Variants in ANKH observed in about 807,000 individuals in gnomAD.
ANKH encodes the protein ANKH inorganic pyrophosphate transport regulator.
In ANKH, 15 loss-of-function variants were observed where a neutral mutation model predicts 49.0. The observed-to-expected ratio is 0.31, with a 90% CI of 0.20 to 0.47. The LOEUF (loss-of-function observed/expected upper bound fraction) is 0.47. ANKH is among the 20% of genes least tolerant of loss of function. The pLI is 1.00. For missense variants in ANKH, 429 were observed against 652.0 expected (o/e 0.66, Z 3.72); for synonymous variants, 273 against 260.0 (o/e 1.05, Z -0.48).
At chr5:14,772,203 AG>A (rs979834481) in intron 1 of ANKH, among the ~76,000 whole-genome samples, 2 of 152,200 alleles carry the variant, frequency 1.3e-5, no homozygotes, top group African/African-American at 4.8e-5. Flanking sequence ...GCAAAACCAG[AG>A]GGCTTCACGT....
intron 1 of ANKH, among the ~76,000 whole-genome samples, chr5:14,816,240 G>C (rs915116986): frequency 3.3e-5 from 5 of 152,204 alleles, no homozygotes; most frequent in Non-Finnish European, 7.4e-5. Flanking sequence ...CAGGACACCT[G>C]AGCATCACCT....
chr5:14,871,082 G>A (rs1561092857), intron 1 of ANKH: 4 of 587,078 alleles, frequency 6.8e-6, no homozygotes, highest in Middle Eastern at 5.3e-4. Flanking sequence ...TAATACTGCC[G>A]TGCACTAAAA....
intron 11 of ANKH, 105 bp downstream of exon 11, chr5:14,712,769 C>A (rs954941082): frequency 1.8e-6 from 2 of 1,112,870 alleles, no homozygotes; most frequent in East Asian, 5.2e-5. Flanking sequence ...CACCAAGGAT[C>A]CCCCACTGAC....
At chr5:14,833,282 C>T (rs1387317266) in intron 1 of ANKH, among the ~76,000 whole-genome samples, 3 of 152,200 alleles carry the variant, frequency 2.0e-5, no homozygotes, top group Non-Finnish European at 4.4e-5. Context: ...GCTTGGTATG[C>T]TCATTAAAAA....
chr5:14,780,904 C>T (rs187400611), intron 1 of ANKH, among the ~76,000 whole-genome samples: 2 of 152,166 alleles, frequency 1.3e-5, no homozygotes, highest in African/African-American at 4.8e-5. Context: ...TTGTAGTAGA[C>T]GAAATCTAGT....
chr5:14,795,702 G>A (rs529029091), intron 1 of ANKH, among the ~76,000 whole-genome samples: 8 of 152,188 alleles, frequency 5.3e-5, no homozygotes, highest in East Asian at 3.9e-4. Flanking sequence ...CTAAAAATAC[G>A]AAACAAATTA....
intron 8 of ANKH, among the ~76,000 whole-genome samples, chr5:14,720,400 G>A (rs1561023416): frequency 6.6e-6 from 1 of 152,150 alleles, no homozygotes; most frequent in Non-Finnish European, 1.5e-5. Context: ...AAAGCTACTA[G>A]CCTACAAGGG....
At chr5:14,711,378 G>T in intron 11 of ANKH, 68 bp from the exon 12 acceptor site, 1 of 1,373,268 alleles carries the variant, frequency 7.3e-7, no homozygotes, top group South Asian at 1.2e-5. Context: ...ACCACGAGCA[G>T]GGAGACAACA....
chr5:14,763,316 C>T (rs1181598044), intron 2 of ANKH, among the ~76,000 whole-genome samples: 4 of 152,206 alleles, frequency 2.6e-5, no homozygotes, highest in African/African-American at 9.6e-5. Flanking sequence ...CACCCCTGTG[C>T]TTCTAGGGTA....
intron 1 of ANKH, among the ~76,000 whole-genome samples, chr5:14,854,700 A>T (rs910119367): frequency 6.6e-6 from 1 of 152,144 alleles, no homozygotes; most frequent in Non-Finnish European, 1.5e-5. Flanking sequence ...TAAATAAACA[A>T]AAAATAAAAC....
chr5:14,706,409 A>G lies in ANKH; in HGVS notation c.*4788T>C, dbSNP rs569570813. On this transcript the variant is annotated 3_prime_UTR_variant, in exon 12 of 12. Transcript: ENST00000284268. The stretch of plus-strand genomic sequence containing the variant: ...ACTTGGACTTGACAGAGGTTTTTCA[A>G]AAATGATTTAGGAGGCCCACCTTTG... 2 of 152,368 alleles carry G rather than the reference A, an allele frequency of 1.3e-5. No homozygotes were observed. Among genetic ancestry groups the G allele is most frequent in the South Asian group, 2.1e-4 (1 of 4,830 alleles). 9.4% of individuals were successfully genotyped at this position (152,368 alleles called of 1,614,324 possible). A position where few individuals can be genotyped will look rare whatever the true frequency, so the allele number is the denominator to read the frequency against.
At chr5:14,783,330 A>ACACACC (rs1304345867) in intron 1 of ANKH, among the ~76,000 whole-genome samples, 34 of 142,602 alleles carry the variant, frequency 2.4e-4, no homozygotes, top group African/African-American at 8.5e-4. Flanking sequence ...ACACACACAC[A>ACACACC]CCACACATGG....
chr5:14,788,434 C>T (rs148170337), intron 1 of ANKH, among the ~76,000 whole-genome samples: 106 of 152,308 alleles, frequency 7.0e-4, no homozygotes, highest in Middle Eastern at 3.4e-3. Flanking sequence ...ATGTGCATGA[C>T]GTGGTGGCCA....
chr5:14,750,779 A>G (rs1393535800), intron 5 of ANKH, among the ~76,000 whole-genome samples: 3 of 152,202 alleles, frequency 2.0e-5, no homozygotes, highest in Non-Finnish European at 4.4e-5. Flanking sequence ...AAGAGCAAGA[A>G]AAACCATGAA....
Position 14,871,144 on chromosome 5 carries a change from G to A in ANKH, c.96+208C>T, listed in dbSNP as rs2270562. ...CATCCAGTCTTTTTAACATTTTCCA[G>A]AGAGGGCTGGAAAAGTCTGCTGAAT... On this transcript the variant is annotated intron_variant, in intron 1 of 11. Transcript: ENST00000284268. 23 of 672,538 alleles carry A rather than the reference G, an allele frequency of 3.4e-5. No homozygotes were observed. The East Asian group carries it at 6.3e-4, about 18-fold the overall frequency. 41.7% of individuals were successfully genotyped at this position (672,538 alleles called of 1,614,324 possible).
chr5:14,717,167 C>T, intron 8 of ANKH: 1 of 334,138 alleles, frequency 3.0e-6, no homozygotes, highest in East Asian at 6.5e-5. Context: ...GAGTGCCAAA[C>T]AGCTCAGCCA....
In ANKH at chr5:14,707,586, G is replaced by A. The variant is rs1436273177; in HGVS notation, c.*3611C>T. On this transcript the variant is annotated 3_prime_UTR_variant, in exon 12 of 12. Transcript: ENST00000284268. Reference sequence around the variant, plus strand: ...CCGCTGCGACGCATCCTGGCGTCTGGAGAACTCAGCCCAACTCTGTCACTA... The same window carrying A: ...CCGCTGCGACGCATCCTGGCGTCTGAAGAACTCAGCCCAACTCTGTCACTA... 1 of 152,246 alleles carries A rather than the reference G, an allele frequency of 6.6e-6. No individual in the cohort carries two copies. Among genetic ancestry groups the A allele is most frequent in the Non-Finnish European group, 1.5e-5 (1 of 68,068 alleles). 9.4% of individuals were successfully genotyped at this position (152,246 alleles called of 1,614,324 possible).
At chr5:14,861,461 C>G (rs908728800) in intron 1 of ANKH, among the ~76,000 whole-genome samples, 1 of 152,194 alleles carries the variant, frequency 6.6e-6, no homozygotes, top group African/African-American at 2.4e-5. Flanking sequence ...TTGAAACTCC[C>G]TATCTGAGGA....
At chr5:14,758,826 G>A (rs1738985005) in intron 2 of ANKH, among the ~76,000 whole-genome samples, 1 of 152,158 alleles carries the variant, frequency 6.6e-6, no homozygotes, top group African/African-American at 2.4e-5. Context: ...ATTGTTCTGT[G>A]TTTTAACGTA....
Sources: allele counts gnomAD v4.1 joint callset (sites outside exome capture counted in the v4.1 genomes callset), GRCh38; gene constraint gnomAD v4.1.1; transcripts MANE v1.5; gene names NCBI Gene and HGNC (gene_info 2026-07-23, HGNC 2026-07-21).